The following NECAB1 variants were observed in gnomAD, a reference collection of about 807,000 sequenced individuals.
NECAB1 encodes the protein N-terminal EF-hand calcium binding protein 1.
In NECAB1, 29 loss-of-function variants were observed where a neutral mutation model predicts 57.5. The observed-to-expected ratio is 0.50, with a 90% CI of 0.38 to 0.69. NECAB1 has a LOEUF of 0.69. Ranked by LOEUF, NECAB1 falls within the 30% of genes least tolerant of loss-of-function variation. The pLI is 0.00. For synonymous variants in NECAB1, 142 were observed against 147.7 expected (o/e 0.96, Z 0.28); for missense variants, 372 against 413.8 (o/e 0.90, Z 0.88).
chr8:90,828,445 A>T (rs1296611843), intron 3 of NECAB1, among the ~76,000 whole-genome samples: 1 of 152,162 alleles, frequency 6.6e-6, no homozygotes, highest in South Asian at 2.1e-4. Flanking sequence ...GCACAAGCTT[A>T]AGCTCAGTGC....
intron 5 of NECAB1, among the ~76,000 whole-genome samples, chr8:90,910,793 A>G (rs1809812398): frequency 6.6e-6 from 1 of 152,176 alleles, no homozygotes; most frequent in Non-Finnish European, 1.5e-5. Flanking sequence ...CTATTCTCAA[A>G]TTAGCCATTG....
chr8:90,827,684 T>G (rs990509116), intron 3 of NECAB1, among the ~76,000 whole-genome samples: 1 of 152,046 alleles, frequency 6.6e-6, no homozygotes, highest in Admixed American at 6.6e-5. Context: ...CATATCTGGC[T>G]ACTTAATTTT....
chr8:90,808,663 T>TTTTTTTA (rs1811898926), intron 2 of NECAB1, among the ~76,000 whole-genome samples: 1 of 128,860 alleles, frequency 7.8e-6, no homozygotes, highest in African/African-American at 2.9e-5. Context: ...TTTTTTTTTT[T>TTTTTTTA]GAGATGGAAT....
At chr8:90,834,975 T>C (rs1238056813) in intron 3 of NECAB1, among the ~76,000 whole-genome samples, 3 of 147,284 alleles carry the variant, frequency 2.0e-5, no homozygotes, top group Non-Finnish European at 4.5e-5. Context: ...ATGAAAGCTT[T>C]CCCTGACTTT....
intron 5 of NECAB1, among the ~76,000 whole-genome samples, chr8:90,901,525 G>A (rs562214534): frequency 1.3e-5 from 2 of 152,272 alleles, no homozygotes; most frequent in South Asian, 4.1e-4. Flanking sequence ...AAATGGTGCA[G>A]GAAAATGACA....
chr8:90,938,460 A>G (rs1304307797), intron 9 of NECAB1, among the ~76,000 whole-genome samples: 2 of 152,220 alleles, frequency 1.3e-5, no homozygotes, highest in African/African-American at 2.4e-5. Context: ...TTAACAAGAT[A>G]GTAGGACTCC....
chr8:90,907,139 T>TGAGA (rs1287665534), intron 5 of NECAB1, among the ~76,000 whole-genome samples: 7 of 123,680 alleles, frequency 5.7e-5, no homozygotes, highest in Admixed American at 4.9e-4. Context: ...TGTGTGTGTG[T>TGAGA]GTGTGTGTGT....
chr8:90,916,932 G>A (rs1809967512), intron 5 of NECAB1, among the ~76,000 whole-genome samples: 1 of 152,160 alleles, frequency 6.6e-6, no homozygotes, highest in Non-Finnish European at 1.5e-5. Context: ...AGCAGATTTA[G>A]TAAACCATTT....
At chr8:90,930,331 G>T (rs1490717105) in intron 8 of NECAB1, among the ~76,000 whole-genome samples, 2 of 152,170 alleles carry the variant, frequency 1.3e-5, no homozygotes, top group Non-Finnish European at 2.9e-5. Context: ...CTGAGGATTG[G>T]AGCCTGTGTT....
intron 3 of NECAB1, among the ~76,000 whole-genome samples, chr8:90,863,898 G>A (rs1033337138): frequency 2.6e-5 from 4 of 151,982 alleles, no homozygotes; most frequent in African/African-American, 4.8e-5. Flanking sequence ...ACATTTCTTG[G>A]AAATAAATTC....
chr8:90,944,755 A>T (rs1810758807), intron 10 of NECAB1, among the ~76,000 whole-genome samples: 1 of 152,234 alleles, frequency 6.6e-6, no homozygotes, highest in Admixed American at 6.5e-5. Flanking sequence ...AAAGTCACTC[A>T]GCTACGAAAT....
intron 1 of NECAB1, among the ~76,000 whole-genome samples, chr8:90,800,570 C>G (rs1811743463): frequency 6.6e-6 from 1 of 152,068 alleles, no homozygotes; most frequent in African/African-American, 2.4e-5. Context: ...CCTCCCAAAC[C>G]CCTATTTCCA....
chr8:90,931,852 C>T (rs748679426), intron 8 of NECAB1, among the ~76,000 whole-genome samples: 4 of 151,756 alleles, frequency 2.6e-5, no homozygotes, highest in Non-Finnish European at 5.9e-5. Context: ...GGCAGTGAGC[C>T]GAGATCGTGC....
rs2130289248 is a variant in NECAB1 at position 90,956,834 on chromosome 8, C to CA, written c.*1324dup. 6.6e-6 allele frequency: 1 copy of CA among 152,102 alleles called. No homozygotes were observed. The highest frequency in any genetic ancestry group is 2.1e-4 in the South Asian group (1 of 4,796). The allele number at this position is 152,102 out of a possible 1,614,324, so 9.4% of individuals were successfully genotyped here. On this transcript the variant is annotated 3_prime_UTR_variant, in exon 13 of 13. Transcript: ENST00000417640. The stretch of plus-strand genomic sequence containing the variant: ...TAATTCATGAAACAGCAACTTTTAC[C>CA]AATACCTTTGTATACTCTCAGTTCT...
chr8:90,899,106 C>T (rs574814872), intron 5 of NECAB1, among the ~76,000 whole-genome samples: 88 of 152,190 alleles, frequency 5.8e-4, no homozygotes, highest in Non-Finnish European at 1.0e-3. Flanking sequence ...TTTGGCTATG[C>T]CAGTGGGACG....
chr8:90,862,335 G>A (rs140409851), intron 3 of NECAB1, among the ~76,000 whole-genome samples: 1 of 152,250 alleles, frequency 6.6e-6, no homozygotes, highest in Non-Finnish European at 1.5e-5. Flanking sequence ...AGGTAATGAA[G>A]TGGGAGGGAA....
At position 90,797,969 on chromosome 8, in the gene NECAB1, A is replaced by G. The variant is rs552062979; in HGVS notation, c.100-3722A>G. Among the ~76,000 whole-genome samples the G allele has an allele frequency of 2.5e-4, 38 of 152,286 alleles. No individual in the cohort carries two copies. The East Asian group carries it at 7.4e-3, about 29-fold the overall frequency. ...TGCTCTAACAAACTATCACAATAGAATGTACCCTCCACAGTTCTGGAGGTG... is the reference window on the plus strand; with the variant it reads ...TGCTCTAACAAACTATCACAATAGAGTGTACCCTCCACAGTTCTGGAGGTG... On this transcript the variant is annotated intron_variant, in intron 1 of 12. Coordinates refer to ENST00000417640, the MANE Select transcript of NECAB1 (RefSeq NM_022351.5).
At chr8:90,880,370 A>G (rs1219395414) in intron 4 of NECAB1, among the ~76,000 whole-genome samples, 1 of 152,146 alleles carries the variant, frequency 6.6e-6, no homozygotes. Flanking sequence ...ATAGATTTCT[A>G]TAAGTAAATA....
At chr8:90,808,925 G>A (rs559127109) in intron 2 of NECAB1, among the ~76,000 whole-genome samples, 148 of 152,166 alleles carry the variant, frequency 9.7e-4, no homozygotes, top group African/African-American at 3.2e-3. Context: ...GATTACAGGC[G>A]TGAGCCACCG....
Sources: gnomAD v4.1 joint callset for allele counts (sites outside exome capture counted in the v4.1 genomes callset) on GRCh38, gnomAD v4.1.1 for gene constraint, MANE v1.5 for transcripts, NCBI Gene and HGNC (gene_info 2026-07-23, HGNC 2026-07-21) for gene names.